CEP57: variants seen among roughly 807,000 people sequenced by gnomAD.
The protein encoded by CEP57 is centrosomal protein of 57 kDa.
A neutral mutation model predicts 68.0 loss-of-function variants in CEP57; 40 were observed. The observed-to-expected ratio is 0.59, with a 90% CI of 0.46 to 0.77. The LOEUF (loss-of-function observed/expected upper bound fraction) is 0.77. CEP57 is among the 30% of genes least tolerant of loss of function. CEP57 has a pLI of 0.00. For missense variants in CEP57, 606 were observed against 580.7 expected (o/e 1.04, Z -0.45); for synonymous variants, 219 against 198.7 (o/e 1.10, Z -0.86).
At chr11:95,809,176 C>G (rs1454731835) in intron 2 of CEP57, among the ~76,000 whole-genome samples, 1 of 152,122 alleles carries the variant, frequency 6.6e-6, no homozygotes, top group Non-Finnish European at 1.5e-5. Flanking sequence ...CACAACATAC[C>G]AGATTCTTTG....
chr11:95,806,859 T>C (rs907586268), intron 2 of CEP57, among the ~76,000 whole-genome samples: 1 of 152,206 alleles, frequency 6.6e-6, no homozygotes, highest in Non-Finnish European at 1.5e-5. Context: ...CTGACAGCTT[T>C]GAAGAGAGCA....
chr11:95,808,479 C>A (rs1861908075), intron 2 of CEP57, among the ~76,000 whole-genome samples: 1 of 152,132 alleles, frequency 6.6e-6, no homozygotes, highest in African/African-American at 2.4e-5. Context: ...AGACCCACCT[C>A]ACATGCTGGG....
intron 6 of CEP57, among the ~76,000 whole-genome samples, chr11:95,820,868 G>C (rs530585050): frequency 3.5e-4 from 54 of 152,164 alleles, no homozygotes; most frequent in Non-Finnish European, 7.2e-4. Flanking sequence ...TGTGTTTGGA[G>C]TGTATAGATG....
intron 2 of CEP57, among the ~76,000 whole-genome samples, chr11:95,804,539 G>C (rs551282860): frequency 5.9e-5 from 9 of 152,170 alleles, no homozygotes; most frequent in African/African-American, 9.7e-5. Context: ...AAAGGTGGGC[G>C]TGATGAGAGT....
In CEP57 at chr11:95,813,499, TAAATG is replaced by T; in HGVS notation, c.415_419del (p.Lys139GlnfsTer38). The T allele has an allele frequency of 6.2e-7, 1 of 1,612,760 alleles. No individual in the cohort carries two copies. The highest frequency in any genetic ancestry group is 1.1e-5 in the South Asian group (1 of 91,040). On this transcript the variant is annotated frameshift_variant, in exon 4 of 11. Coordinates refer to ENST00000325542, the MANE Select transcript of CEP57 (RefSeq NM_014679.5). LOFTEE classifies it high-confidence loss of function. ...CATCTCAGTTGTTAGCTGCAGAAAA[TAAATG>T]CAATCTATTAGAAAAACAATTGGAA...
intron 2 of CEP57, among the ~76,000 whole-genome samples, chr11:95,811,429 G>C (rs576380939): frequency 7.1e-6 from 1 of 141,530 alleles, no homozygotes; most frequent in South Asian, 2.3e-4. Context: ...GGGGCCTGTC[G>C]TGGGTTGGGG....
In CEP57 at chr11:95,829,180, T is replaced by C; in HGVS notation, c.1128-7T>C. ...TTAACCATGTTCTACTTCTGCTTTG[T>C]ATATAGTGATCACCAGCAGCTTGCA... On this transcript the variant is annotated splice_polypyrimidine_tract_variant and splice_region_variant and intron_variant, in intron 9 of 10. Transcript: ENST00000325542. 1 of 1,613,652 alleles carries C rather than the reference T, an allele frequency of 6.2e-7. No homozygotes were observed. Among genetic ancestry groups the C allele is most frequent in the Non-Finnish European group, 8.5e-7 (1 of 1,179,924 alleles).
intron 8 of CEP57, chr11:95,827,338 T>G: frequency 5.5e-6 from 1 of 180,258 alleles, no homozygotes; most frequent in Non-Finnish European, 1.2e-5. Context: ...TGATAAATGC[T>G]ATGAGAGAGA....
intron 2 of CEP57, among the ~76,000 whole-genome samples, chr11:95,800,133 T>G (rs1470285349): frequency 6.6e-6 from 1 of 152,210 alleles, no homozygotes; most frequent in Non-Finnish European, 1.5e-5. Flanking sequence ...GGTCCTCTGT[T>G]TAGAGCCTTA....
intron 6 of CEP57, 124 bp from the exon 7 acceptor site, chr11:95,821,747 C>T (rs1862524873): frequency 1.4e-6 from 1 of 691,472 alleles, no homozygotes; most frequent in African/African-American, 1.8e-5. Flanking sequence ...AGTTATACAG[C>T]TGTAATATGT....
At chr11:95,829,021 G>A (rs1412602315) in intron 9 of CEP57, among the ~76,000 whole-genome samples, 166 bp from the exon 10 acceptor site, 2 of 148,564 alleles carry the variant, frequency 1.3e-5, no homozygotes, top group Admixed American at 6.7e-5. Flanking sequence ...CAGCCTGGGC[G>A]ACAGAGCAAG....
intron 5 of CEP57, 154 bp downstream of exon 5, chr11:95,818,057 G>A (rs555920897): frequency 2.3e-5 from 14 of 614,554 alleles, no homozygotes; most frequent in Non-Finnish European, 3.5e-5. Flanking sequence ...AATTTGGAGA[G>A]AATGTTCACA....
At chr11:95,801,415 T>C (rs1861572364) in intron 2 of CEP57, among the ~76,000 whole-genome samples, 1 of 146,838 alleles carries the variant, frequency 6.8e-6, no homozygotes, top group South Asian at 2.1e-4. Flanking sequence ...GAAAATTAAG[T>C]TGCATGACAT....
chr11:95,829,688 A>G (rs1246642533), intron 10 of CEP57, among the ~76,000 whole-genome samples: 1 of 152,218 alleles, frequency 6.6e-6, no homozygotes, highest in Non-Finnish European at 1.5e-5. Flanking sequence ...TAAATATGTG[A>G]AATATATTTA....
chr11:95,793,395 T>G (rs1861187126), intron 1 of CEP57, among the ~76,000 whole-genome samples: 1 of 64,112 alleles, frequency 1.6e-5, no homozygotes, highest in Admixed American at 1.7e-4. Context: ...ACCTAATCTC[T>G]TGATTTGTCC....
intron 9 of CEP57, among the ~76,000 whole-genome samples, chr11:95,828,838 A>C (rs982491401): frequency 6.6e-6 from 1 of 151,924 alleles, no homozygotes; most frequent in African/African-American, 2.4e-5. Context: ...TGAAGTGGGC[A>C]TATCACATCC....
intron 6 of CEP57, among the ~76,000 whole-genome samples, chr11:95,819,192 A>G (rs1333844100): frequency 6.6e-6 from 1 of 152,244 alleles, no homozygotes; most frequent in Non-Finnish European, 1.5e-5. Flanking sequence ...GTATGTAATC[A>G]TGTAAAACTT....
chr11:95,790,639 G>A lies in CEP57; in HGVS notation c.-60G>A, dbSNP rs1860981523. On this transcript the variant is annotated 5_prime_UTR_variant, in exon 1 of 11. Transcript: ENST00000325542. ...TGGTGGGCGGCTCCCGAGTCTTGGA[G>A]AAGAGCACGAGAACCTAGACCGCCC... The A allele has an allele frequency of 2.5e-6, 4 of 1,593,296 alleles. No homozygotes were observed. Among genetic ancestry groups the A allele is most frequent in the African/African-American group, 2.7e-5 (2 of 74,600 alleles).
Position 95,818,183 on chromosome 11 carries a change from G to A in CEP57, c.621+280G>A, listed in dbSNP as rs1009310976. ...TCCCAGCACTTTGGGAGGCCAAGGCGGGTGGATCACCTGAGGTCAGGAGTT... is the reference window on the plus strand; with the variant it reads ...TCCCAGCACTTTGGGAGGCCAAGGCAGGTGGATCACCTGAGGTCAGGAGTT... On this transcript the variant is annotated intron_variant, in intron 5 of 10. Coordinates refer to ENST00000325542, the MANE Select transcript of CEP57 (RefSeq NM_014679.5). Among the ~76,000 whole-genome samples, 7 of 151,890 alleles carry A rather than the reference G, an allele frequency of 4.6e-5. No individual in the cohort carries two copies. In the South Asian group the frequency reaches 6.2e-4, roughly 14 times the overall value.
Sources: gnomAD v4.1 joint callset for allele counts (sites outside exome capture counted in the v4.1 genomes callset) on GRCh38, gnomAD v4.1.1 for gene constraint, MANE v1.5 for transcripts, NCBI Gene and HGNC (gene_info 2026-07-23, HGNC 2026-07-21) for gene names.